The following RIMS1 variants were observed in gnomAD, a reference collection of about 807,000 sequenced individuals.
The protein encoded by RIMS1 is regulating synaptic membrane exocytosis protein 1.
Under a neutral mutation model 214.1 loss-of-function variants are expected in RIMS1, and 83 were observed. The ratio of observed to expected loss-of-function variants is 0.39; its 90% confidence interval spans 0.32 to 0.47. The LOEUF (loss-of-function observed/expected upper bound fraction) is 0.47. Among genes scored for constraint, RIMS1 ranks in the 20% least tolerant of loss-of-function variants. The pLI is 0.99. For synonymous variants in RIMS1, 793 were observed against 786.8 expected, an observed-to-expected ratio of 1.01 and a Z score of -0.13; for missense variants, 2,050 against 2,161.8, an observed-to-expected ratio of 0.95 and a Z score of 1.03.
At chr6:72,348,292 C>A (rs1186157427) in intron 29 of RIMS1, among the ~76,000 whole-genome samples, 1 of 151,842 alleles carries the variant, frequency 6.6e-6, no homozygotes, top group East Asian at 1.9e-4. Flanking sequence ...ATAAAGTATT[C>A]ATGGGAAATA....
At chr6:72,352,432 G>A (rs983361624) in intron 29 of RIMS1, among the ~76,000 whole-genome samples, 2 of 152,146 alleles carry the variant, frequency 1.3e-5, no homozygotes, top group East Asian at 3.9e-4. Context: ...GATAGGCACA[G>A]TATTTGTGTG....
intron 27 of RIMS1, among the ~76,000 whole-genome samples, chr6:72,310,816 G>A (rs1020957271): frequency 1.3e-5 from 2 of 152,054 alleles, no homozygotes; most frequent in African/African-American, 4.8e-5. Context: ...GAATATAAAA[G>A]TATTTCACTT....
At chr6:72,146,469 C>A (rs2042767557) in intron 4 of RIMS1, among the ~76,000 whole-genome samples, 1 of 152,236 alleles carries the variant, frequency 6.6e-6, no homozygotes, top group East Asian at 1.9e-4. Flanking sequence ...ACCAGTTTGA[C>A]CATGAGGTGA....
Position 72,333,735 on chromosome 6 carries a change from A to G in RIMS1, c.4266A>G (p.Thr1422=), listed in dbSNP as rs1401550843. The G allele has an allele frequency of 1.9e-6, 3 of 1,599,522 alleles. No individual in the cohort carries two copies. Among genetic ancestry groups the G allele is most frequent in the South Asian group, 1.1e-5 (1 of 88,356 alleles). Residue 1422 remains threonine, a synonymous_variant, in exon 29 of 34, where the codon ACA becomes ACG. Transcript: ENST00000521978. ...DGSQSDTAVG[T]VGAGGKKRRS... ...GCCAGTCAGACACAGCTGTGGGTAC[A>G]GTTGGAGCAGGTGGAAAGAAACGGA... is the stretch of plus-strand genomic sequence containing the variant.
At chr6:71,993,991 G>A (rs574748) in intron 2 of RIMS1, among the ~76,000 whole-genome samples, 129,908 of 152,192 alleles carry the variant, frequency 0.85, 55,584 homozygotes, top group East Asian at 1. Flanking sequence ...ATTTTTTGCA[G>A]TGCTTTATTT....
intron 1 of RIMS1, among the ~76,000 whole-genome samples, chr6:71,918,814 T>G (rs1779160457): frequency 6.6e-6 from 1 of 151,956 alleles, no homozygotes; most frequent in Non-Finnish European, 1.5e-5. Flanking sequence ...AGAGGTAAAT[T>G]AAATGGGTAC....
chr6:72,114,932 A>T (rs1023383071), intron 4 of RIMS1, among the ~76,000 whole-genome samples: 3 of 152,042 alleles, frequency 2.0e-5, no homozygotes, highest in African/African-American at 7.2e-5. Context: ...AAGTTCTAGA[A>T]GATACTTGAG....
At chr6:72,025,715 A>T (rs977744303) in intron 2 of RIMS1, among the ~76,000 whole-genome samples, 2 of 152,216 alleles carry the variant, frequency 1.3e-5, no homozygotes, top group Non-Finnish European at 1.5e-5. Flanking sequence ...CAACAACTAT[A>T]ATCGTCTCTT....
intron 4 of RIMS1, among the ~76,000 whole-genome samples, chr6:72,117,361 G>A (rs777404396): frequency 2.6e-5 from 4 of 151,918 alleles, no homozygotes; most frequent in South Asian, 2.1e-4. Flanking sequence ...CAGTAAGAAT[G>A]TTCTGTAAGT....
chr6:72,379,333 T>C (rs1243414589), intron 29 of RIMS1, among the ~76,000 whole-genome samples: 1 of 152,226 alleles, frequency 6.6e-6, no homozygotes, highest in Non-Finnish European at 1.5e-5. Context: ...GTAGCTGCTC[T>C]AGCTCCCACC....
At chr6:71,937,492 G>A (rs1463588577) in intron 1 of RIMS1, among the ~76,000 whole-genome samples, 2 of 152,078 alleles carry the variant, frequency 1.3e-5, no homozygotes, top group Non-Finnish European at 2.9e-5. Flanking sequence ...GGCTCAAGCA[G>A]TCTGCCTTCC....
At chr6:72,263,189 C>G in intron 19 of RIMS1, 1 of 984,410 alleles carries the variant, frequency 1.0e-6, no homozygotes, top group Non-Finnish European at 1.2e-6. Context: ...AAATTTAATA[C>G]ACACAGCATA....
intron 4 of RIMS1, among the ~76,000 whole-genome samples, chr6:72,137,193 G>T (rs1171704486): frequency 6.6e-6 from 1 of 151,930 alleles, no homozygotes. Flanking sequence ...TGTTTCAAGG[G>T]TTTTTAAGAA....
At chr6:72,058,358 A>G (rs1298953223) in intron 2 of RIMS1, among the ~76,000 whole-genome samples, 1 of 152,252 alleles carries the variant, frequency 6.6e-6, no homozygotes, top group Non-Finnish European at 1.5e-5. Flanking sequence ...AAAGTTTACA[A>G]AAGGCTCCAA....
At chr6:72,242,916 A>C (rs2067588880) in intron 10 of RIMS1, among the ~76,000 whole-genome samples, 1 of 151,966 alleles carries the variant, frequency 6.6e-6, no homozygotes, top group South Asian at 2.1e-4. Flanking sequence ...TTTATTTAAA[A>C]TCAAGCAAGA....
At chr6:72,389,402 A>T (rs2098666355) in intron 29 of RIMS1, among the ~76,000 whole-genome samples, 1 of 152,226 alleles carries the variant, frequency 6.6e-6, no homozygotes, top group African/African-American at 2.4e-5. Context: ...TAAAAATTTT[A>T]ATGAACATAC....
Position 72,155,412 on chromosome 6 carries a change from C to T in RIMS1, c.472-24163C>T, listed in dbSNP as rs550677656. 1.3e-3 allele frequency among the ~76,000 whole-genome samples: 178 copies of T among 140,670 alleles called. 8 individuals carry two copies. Among genetic ancestry groups the T allele is most frequent in the African/African-American group, 4.1e-3 (168 of 40,656 alleles). 92.3% of individuals were successfully genotyped at this position (140,670 alleles called of 152,430 possible). A position where few individuals can be genotyped will look rare whatever the true frequency, so the allele number is the denominator to read the frequency against. ...AACTGTTCCAAACTCTTCCTGTTAC[C>T]CAGTTCCAAAGTTGCTTCCACATTT... On this transcript the variant is annotated intron_variant, in intron 4 of 33. Transcript: ENST00000521978.
chr6:71,966,416 T>C (rs1794451108), intron 1 of RIMS1, among the ~76,000 whole-genome samples: 1 of 152,212 alleles, frequency 6.6e-6, no homozygotes, highest in Admixed American at 6.5e-5. Flanking sequence ...ATAACATACA[T>C]AGACAGAAAC....
intron 4 of RIMS1, among the ~76,000 whole-genome samples, chr6:72,135,435 T>C (rs1427132579): frequency 1.3e-5 from 2 of 152,176 alleles, no homozygotes; most frequent in Non-Finnish European, 2.9e-5. Context: ...ACTCCTTACA[T>C]GTCCACTTAA....
Sources: allele counts gnomAD v4.1 joint callset (sites outside exome capture counted in the v4.1 genomes callset), GRCh38; gene constraint gnomAD v4.1.1; transcripts MANE v1.5; gene names NCBI Gene and HGNC (gene_info 2026-07-23, HGNC 2026-07-21).